Variants in CCDC69 observed in about 807,000 individuals in gnomAD.
The protein encoded by CCDC69 is coiled-coil domain containing 69.
Under a neutral mutation model 40.3 loss-of-function variants are expected in CCDC69, and 38 were observed. The ratio of observed to expected loss-of-function variants is 0.94; its 90% CI spans 0.73 to 1.24. The LOEUF (loss-of-function observed/expected upper bound fraction) is 1.24. Among genes scored for constraint, CCDC69 ranks in the 50% most tolerant of loss-of-function variants. The pLI is 0.00. For synonymous variants in CCDC69, 141 were observed against 138.9 expected (o/e 1.02, Z -0.11); for missense variants, 389 against 357.9 (o/e 1.09, Z -0.70).
rs147596524 is a variant in CCDC69, at chr5:151,183,537, T to C, written c.791A>G (p.Glu264Gly). ...GACCCGGTACAACAGCTCCTCCTTC[T>C]CCTGCTGGAGCTGTCGCCGCAGCTG... is the stretch of plus-strand genomic sequence containing the variant. ...EVQLRRQLQQ[E>G]KEELLYRVLG... is the part of the protein sequence containing the mutation. The change falls in exon 9 of 9, where the codon GAG (glutamate) becomes GGG (glycine). Residue 264 changes from glutamate to glycine, a missense_variant. Glu to Gly is a moderately conservative substitution (Grantham distance 98). Coordinates refer to ENST00000355417, the MANE Select transcript of CCDC69 (RefSeq NM_015621.3). The C allele has an allele frequency of 3.1e-6, 5 of 1,611,054 alleles. No homozygotes were observed. The African/African-American group carries it at 5.3e-5, about 17-fold the overall frequency.
intron 1 of CCDC69, among the ~76,000 whole-genome samples, chr5:151,216,281 A>T (rs1450849995): frequency 6.6e-6 from 1 of 152,068 alleles, no homozygotes; most frequent in East Asian, 1.9e-4. Flanking sequence ...TGATAAAAAA[A>T]TGCATAGGAA....
At chr5:151,189,054 A>C (rs1752567369) in intron 4 of CCDC69, among the ~76,000 whole-genome samples, 1 of 151,910 alleles carries the variant, frequency 6.6e-6, no homozygotes, top group East Asian at 1.9e-4. Context: ...TCAGCCTAAA[A>C]AGAAGCAGAA....
intron 1 of CCDC69, among the ~76,000 whole-genome samples, chr5:151,221,830 T>C (rs1028470819): frequency 3.3e-5 from 5 of 152,200 alleles, no homozygotes; most frequent in African/African-American, 1.2e-4. Context: ...AGTCCCCCTC[T>C]CTCCCAGGGG....
intron 4 of CCDC69, among the ~76,000 whole-genome samples, chr5:151,195,718 CAAAAAAAAAA>C (rs765505789): frequency 3.3e-5 from 2 of 60,496 alleles, no homozygotes; most frequent in African/African-American, 7.3e-5. Flanking sequence ...GACTCCATCT[CAAAAAAAAAA>C]AAAAAAAAAA....
At chr5:151,187,349 C>A (rs761728854) in intron 5 of CCDC69, 37 bp downstream of exon 5, 2 of 1,590,908 alleles carry the variant, frequency 1.3e-6, no homozygotes, top group Admixed American at 1.7e-5. Context: ...TCCTCACTTA[C>A]CCTTATCCAA....
chr5:151,223,104 TCA>T (rs1753158489), intron 1 of CCDC69, among the ~76,000 whole-genome samples: 2 of 152,192 alleles, frequency 1.3e-5, no homozygotes, highest in South Asian at 4.1e-4. Context: ...CCCCTCTGCC[TCA>T]CAGTGTCCCC....
Position 151,185,405 on chromosome 5 carries a change from C to G in CCDC69, c.615+17G>C. 1 of 1,613,158 alleles carries G rather than the reference C, an allele frequency of 6.2e-7. No homozygotes were observed. ...GGAGCCTGAGGCTGCATCCCCCAGC[C>G]ACTCCCAGTCACAGACCACTGTTTC... is the stretch of plus-strand genomic sequence containing the variant. On this transcript the variant is annotated intron_variant, in intron 7 of 8. Coordinates refer to ENST00000355417, the MANE Select transcript of CCDC69 (RefSeq NM_015621.3).
chr5:151,211,849 C>T (rs971556348), intron 1 of CCDC69, among the ~76,000 whole-genome samples: 1 of 151,896 alleles, frequency 6.6e-6, no homozygotes, highest in Non-Finnish European at 1.5e-5. Flanking sequence ...AGCAGTCTAG[C>T]CAGATGATCC....
intron 5 of CCDC69, 46 bp downstream of exon 5, chr5:151,187,340 C>A: frequency 6.4e-7 from 1 of 1,559,954 alleles, no homozygotes; most frequent in South Asian, 1.1e-5. Flanking sequence ...TCCCATTGGT[C>A]CTCACTTACC....
intron 1 of CCDC69, among the ~76,000 whole-genome samples, chr5:151,215,004 T>C (rs1341852031): frequency 6.6e-6 from 1 of 152,216 alleles, no homozygotes; most frequent in Non-Finnish European, 1.5e-5. Flanking sequence ...CCAGGGTGTC[T>C]GCTAGTTCTG....
chr5:151,195,124 A>C (rs1582042327), intron 4 of CCDC69, among the ~76,000 whole-genome samples: 1 of 152,180 alleles, frequency 6.6e-6, no homozygotes. Flanking sequence ...TTCATTCATT[A>C]TAGACTTATG....
intron 1 of CCDC69, among the ~76,000 whole-genome samples, chr5:151,208,543 C>A (rs886147019): frequency 6.6e-6 from 1 of 152,210 alleles, no homozygotes; most frequent in Admixed American, 6.5e-5. Flanking sequence ...GCAGACCTGA[C>A]AATTTAGCTC....
rs1766654249 is a variant in CCDC69, at chr5:151,182,534, A to G, written c.*903T>C. On this transcript the variant is annotated 3_prime_UTR_variant, in exon 9 of 9. Transcript: ENST00000355417. ...TGAAGAGAAAAACAGAGCAAAGGATAAGACCCGGATGACAGATGAGATCTA... is the reference window on the plus strand; with the variant it reads ...TGAAGAGAAAAACAGAGCAAAGGATGAGACCCGGATGACAGATGAGATCTA... 6.3e-6 allele frequency: 1 copy of G among 157,550 alleles called. No homozygotes were observed. Among genetic ancestry groups the G allele is most frequent in the African/African-American group, 2.4e-5 (1 of 41,472 alleles). The allele number at this position is 157,550 out of a possible 1,614,324, so 9.8% of individuals were successfully genotyped here. A position where few individuals can be genotyped will look rare whatever the true frequency, so the allele number is the denominator to read the frequency against.
chr5:151,187,434 C>T lies in CCDC69; in HGVS notation c.345G>A (p.Glu115=), dbSNP rs754663499. The part of the protein sequence containing the change: ...LQVLRASYEQ[E]KEALTHSFRE... ...GGAAAGAGTGGGTAAGCGCTTCTTT[C>T]TCCTGTTCATATGAGGCCCGGAGGA... Residue 115 remains glutamate (E), a synonymous_variant, in exon 5 of 9, where the codon GAG becomes GAA. Transcript: ENST00000355417. 6.2e-7 allele frequency: 1 copy of T among 1,614,072 alleles called. No individual in the cohort carries two copies. Among genetic ancestry groups the T allele is most frequent in the South Asian group, 1.1e-5 (1 of 91,080 alleles).
At chr5:151,218,692 T>C (rs1275524069) in intron 1 of CCDC69, among the ~76,000 whole-genome samples, 1 of 152,154 alleles carries the variant, frequency 6.6e-6, no homozygotes, top group South Asian at 2.1e-4. Flanking sequence ...TCTGTGCAAT[T>C]AATTTAAAAT....
At position 151,224,014 on chromosome 5, in the gene CCDC69, C is replaced by A; in HGVS notation, c.-44G>T. On this transcript the variant is annotated 5_prime_UTR_variant, in exon 1 of 9. Coordinates refer to ENST00000355417, the MANE Select transcript of CCDC69 (RefSeq NM_015621.3). Reference sequence around the variant, plus strand: ...GGACGCCGCTTCCCAACTCCGGGGCCCCCAGAGGAGCCTGCGATCCGGGCC... The same window carrying A: ...GGACGCCGCTTCCCAACTCCGGGGCACCCAGAGGAGCCTGCGATCCGGGCC... 1 of 1,513,310 alleles carries A rather than the reference C, an allele frequency of 6.6e-7. No homozygotes were observed. Among genetic ancestry groups the A allele is most frequent in the South Asian group, 1.2e-5 (1 of 80,804 alleles). 93.7% of individuals were successfully genotyped at this position (1,513,310 alleles called of 1,614,324 possible). A position where few individuals can be genotyped will look rare whatever the true frequency, so the allele number is the denominator to read the frequency against.
chr5:151,198,849 G>C, intron 4 of CCDC69, 148 bp downstream of exon 4: 1 of 671,232 alleles, frequency 1.5e-6, no homozygotes, highest in Non-Finnish European at 2.7e-6. Context: ...CAACCCTCTA[G>C]GGCCAAGGAT....
chr5:151,218,228 G>A (rs1753077276), intron 1 of CCDC69, among the ~76,000 whole-genome samples: 1 of 152,256 alleles, frequency 6.6e-6, no homozygotes, highest in Non-Finnish European at 1.5e-5. Flanking sequence ...GATGGGTTTA[G>A]ATCTGCTAAA....
At position 151,217,228 on chromosome 5, in the gene CCDC69, C is replaced by T. The variant is rs944196922; in HGVS notation, c.48+6695G>A. The stretch of plus-strand genomic sequence containing the variant: ...AATAAAAAATATAAAGAAGTAGGCC[C>T]CATTCTTGACTCCCAGTCCAGTGCT... On this transcript the variant is annotated intron_variant, in intron 1 of 8. Transcript: ENST00000355417. Among the ~76,000 whole-genome samples the T allele has an allele frequency of 2.0e-5, 3 of 152,126 alleles. No individual in the cohort carries two copies. In the East Asian group the frequency reaches 5.8e-4, roughly 29 times the overall value.
Sources: allele counts gnomAD v4.1 joint callset (sites outside exome capture counted in the v4.1 genomes callset), GRCh38; gene constraint gnomAD v4.1.1; transcripts MANE v1.5; gene names NCBI Gene and HGNC (gene_info 2026-07-23, HGNC 2026-07-21).